POC1B: variants seen among roughly 807,000 people sequenced by gnomAD.
POC1B encodes the protein POC1 centriolar protein B, also known as POC1 centriolar protein homolog B.
POC1B carries 44 observed loss-of-function variants against 60.6 expected under a neutral mutation model. The ratio of observed to expected loss-of-function variants is 0.73; its 90% CI spans 0.57 to 0.93. The LOEUF (loss-of-function observed/expected upper bound fraction) is 0.93. Among genes scored for constraint, POC1B ranks in the 40% least tolerant of loss-of-function variants. POC1B has a pLI of 0.00. For missense variants in POC1B, 555 were observed against 572.3 expected (o/e 0.97, Z 0.31); for synonymous variants, 180 against 198.9 (o/e 0.90, Z 0.80).
At chr12:89,500,723 G>T in intron 2 of POC1B, 1 of 1,284,958 alleles carries the variant, frequency 7.8e-7, no homozygotes. Context: ...AAACTTTGAA[G>T]ATAAAGTTAT....
At chr12:89,495,144 A>G (rs1869180727) in intron 3 of POC1B, among the ~76,000 whole-genome samples, 2 of 152,232 alleles carry the variant, frequency 1.3e-5, no homozygotes, top group African/African-American at 4.8e-5. Flanking sequence ...AAGCCTAATC[A>G]TTGTATTTAG....
At chr12:89,476,755 T>TAGACAGACAGACAGACAGAC (rs780678611) in intron 4 of POC1B, among the ~76,000 whole-genome samples, 1 of 68,018 alleles carries the variant, frequency 1.5e-5, no homozygotes, top group African/African-American at 4.6e-5. Context: ...GATAGATAGA[T>TAGACAGACAGACAGACAGAC]AGATAGACAG....
At chr12:89,415,804 C>A (rs1043997640), downstream of POC1B, among the ~76,000 whole-genome samples, 20 of 152,168 alleles carry the variant, frequency 1.3e-4, no homozygotes, top group African/African-American at 4.3e-4. Context: ...AATACCTTCC[C>A]TGACAGTCGC....
At chr12:89,459,750 T>G (rs759924391) in intron 9 of POC1B, 32 bp from the exon 10 acceptor site, 3 of 1,216,420 alleles carry the variant, frequency 2.5e-6, no homozygotes, top group Non-Finnish European at 3.4e-6. Context: ...AATTATGAGA[T>G]TTTCATACCA....
intron 2 of POC1B, among the ~76,000 whole-genome samples, chr12:89,511,374 C>A (rs960463114): frequency 6.6e-6 from 1 of 151,304 alleles, no homozygotes; most frequent in Non-Finnish European, 1.5e-5. Context: ...TGAGATGGTG[C>A]CACTGCACTC....
chr12:89,453,649 T>C (rs1882143921), intron 10 of POC1B, among the ~76,000 whole-genome samples: 1 of 152,196 alleles, frequency 6.6e-6, no homozygotes, highest in South Asian at 2.1e-4. Context: ...CGTATGACCA[T>C]TTTACACTTT....
At chr12:89,413,854 T>G in the POC1B span, among the ~76,000 whole-genome samples, 2 of 151,980 alleles carry the variant, frequency 1.3e-5, no homozygotes, top group Admixed American at 6.6e-5. Context: ...TTGTGTTGCA[T>G]TTCTGCCAAT....
chr12:89,469,134 C>T (rs921536337), intron 7 of POC1B, among the ~76,000 whole-genome samples: 11 of 152,090 alleles, frequency 7.2e-5, no homozygotes, highest in African/African-American at 1.9e-4. Flanking sequence ...ATTAGCTGGG[C>T]GTGGTGGTGC....
chr12:89,485,655 C>A (rs1868594128), intron 4 of POC1B, among the ~76,000 whole-genome samples: 1 of 152,074 alleles, frequency 6.6e-6, no homozygotes, highest in Non-Finnish European at 1.5e-5. Flanking sequence ...AAGAGTCAAC[C>A]AAAATGGACA....
chr12:89,469,862 T>C (rs141958774), intron 7 of POC1B, among the ~76,000 whole-genome samples: 42 of 123,900 alleles, frequency 3.4e-4, no homozygotes, highest in African/African-American at 1.3e-3. Flanking sequence ...ACAAATAATA[T>C]TTCTTTTTTT....
intron 2 of POC1B, chr12:89,502,196 A>C (rs903561955): frequency 2.6e-6 from 3 of 1,153,888 alleles, no homozygotes; most frequent in Non-Finnish European, 3.9e-6. Context: ...ATGTCTGGAA[A>C]GAATAATAAT....
At chr12:89,490,895 A>C (rs1056387495) in intron 4 of POC1B, among the ~76,000 whole-genome samples, 1 of 150,680 alleles carries the variant, frequency 6.6e-6, no homozygotes, top group African/African-American at 2.5e-5. Context: ...CTCAATTTTC[A>C]CAGCCACCAC....
intron 2 of POC1B, among the ~76,000 whole-genome samples, chr12:89,499,445 A>G (rs572831331): frequency 6.6e-6 from 1 of 152,280 alleles, no homozygotes; most frequent in South Asian, 2.1e-4. Flanking sequence ...AAATCTCAGC[A>G]TCATGGAGTA....
intron 11 of POC1B, among the ~76,000 whole-genome samples, chr12:89,422,692 A>G (rs1880593294): frequency 6.6e-6 from 1 of 152,226 alleles, no homozygotes; most frequent in Admixed American, 6.5e-5. Context: ...TTCTAATTCT[A>G]TTATTAAAAC....
In POC1B at chr12:89,465,901, G is replaced by A. The variant is rs118135701; in HGVS notation, c.1032+869C>T. On this transcript the variant is annotated intron_variant, in intron 9 of 11. Coordinates refer to ENST00000313546, the MANE Select transcript of POC1B (RefSeq NM_172240.3). Reference sequence around the variant, plus strand: ...TGCACAACTGGAGACTAGCAGAAGTGCCTGAGATAACAGCAAAGACCAAGA... The same window carrying A: ...TGCACAACTGGAGACTAGCAGAAGTACCTGAGATAACAGCAAAGACCAAGA... 2.7e-3 allele frequency among the ~76,000 whole-genome samples: 415 copies of A among 152,316 alleles called. 4 individuals are homozygous for A. Among genetic ancestry groups the A allele is most frequent in the East Asian group, 0.012 (60 of 5,182 alleles).
intron 3 of POC1B, among the ~76,000 whole-genome samples, chr12:89,495,112 G>C (rs1214131495): frequency 6.6e-6 from 1 of 152,212 alleles, no homozygotes; most frequent in African/African-American, 2.4e-5. Context: ...GATTTAGAAA[G>C]AGAAACTAGG....
chr12:89,523,768 C>T, intron 2 of POC1B: 1 of 1,538,912 alleles, frequency 6.5e-7, no homozygotes, highest in Non-Finnish European at 8.7e-7. Context: ...AAAAGTATTC[C>T]AATCAATTGT....
chr12:89,407,078 G>A, the POC1B span, among the ~76,000 whole-genome samples: 33 of 144,932 alleles, frequency 2.3e-4, no homozygotes, highest in Admixed American at 4.3e-4. Context: ...GAACCTGGGA[G>A]GTGGAGGTTG....
chr12:89,488,790 A>G (rs1040336287), intron 4 of POC1B, among the ~76,000 whole-genome samples: 8 of 152,096 alleles, frequency 5.3e-5, no homozygotes, highest in Non-Finnish European at 7.4e-5. Flanking sequence ...CAGGGCCAAT[A>G]GCAGCTATTA....
Sources: allele counts gnomAD v4.1 joint callset (sites outside exome capture counted in the v4.1 genomes callset), GRCh38; gene constraint gnomAD v4.1.1; transcripts MANE v1.5; gene names NCBI Gene and HGNC (gene_info 2026-07-23, HGNC 2026-07-21).